Variants in WNK3 observed in about 807,000 individuals in gnomAD.
WNK3 encodes WNK lysine deficient protein kinase 3.
In WNK3, 18 loss-of-function variants were observed where a neutral mutation model predicts 116.7. The ratio of observed to expected loss-of-function variants is 0.15; its 90% CI spans 0.11 to 0.23. The LOEUF is 0.23. Ranked by LOEUF, WNK3 falls within the 10% of genes least tolerant of loss-of-function variation. The pLI is 1.00. For missense variants in WNK3, 993 were observed against 1,323.8 expected (o/e 0.75, Z 3.88); for synonymous variants, 404 against 469.4 (o/e 0.86, Z 1.80).
chrX:54,282,197 C>G (rs1195291474), intron 10 of WNK3, among the ~76,000 whole-genome samples: 1 of 109,213 alleles, frequency 9.2e-6, no homozygotes, highest in Non-Finnish European at 1.9e-5. Flanking sequence ...CATGCCACCA[C>G]ACCTAGCTAA....
At chrX:54,232,348 G>C (rs782458074) in intron 21 of WNK3, among the ~76,000 whole-genome samples, 122 of 110,522 alleles carry the variant, frequency 1.1e-3, no homozygotes, top group Non-Finnish European at 1.3e-4. Flanking sequence ...CGCCATGTTA[G>C]CTAGGCTGGT....
intron 10 of WNK3, among the ~76,000 whole-genome samples, chrX:54,273,314 C>T (rs1284839406): frequency 7.2e-5 from 8 of 111,833 alleles, no homozygotes; most frequent in Admixed American, 2.9e-4. Flanking sequence ...TAGAATTGGC[C>T]GGGTACGGTG....
chrX:54,332,003 A>G (rs782490753), intron 2 of WNK3, among the ~76,000 whole-genome samples: 2 of 111,713 alleles, frequency 1.8e-5, no homozygotes, highest in South Asian at 7.5e-4. Context: ...GCTTTATTCC[A>G]TCCTAATTTT....
intron 17 of WNK3, among the ~76,000 whole-genome samples, chrX:54,240,748 C>T (rs1272782422): frequency 9.0e-6 from 1 of 111,505 alleles, no homozygotes; most frequent in Non-Finnish European, 1.9e-5. Context: ...AGAATGCTTA[C>T]AAAACTCTAT....
At chrX:54,292,964 A>T in exon 10 of WNK3, 1 of 1,210,968 alleles carries the variant, frequency 8.3e-7, no homozygotes, top group Non-Finnish European at 1.1e-6. Context: ...AAGGACATGT[A>T]CAGGTAAAAC....
intron 22 of WNK3, among the ~76,000 whole-genome samples, chrX:54,216,231 C>T (rs1557145270): frequency 9.2e-6 from 1 of 108,284 alleles, no homozygotes; most frequent in Non-Finnish European, 1.9e-5. Flanking sequence ...CCACTATTGT[C>T]CTATGACCCT....
At chrX:54,315,298 G>GT (rs2068939833) in intron 2 of WNK3, among the ~76,000 whole-genome samples, 1 of 80,624 alleles carries the variant, frequency 1.2e-5, no homozygotes, top group Non-Finnish European at 2.3e-5. Flanking sequence ...GGGAGACCTT[G>GT]TCTCAAAAAA....
chrX:54,274,433 G>A (rs182568893), intron 10 of WNK3, among the ~76,000 whole-genome samples: 64 of 111,301 alleles, frequency 5.8e-4, no homozygotes, highest in Non-Finnish European at 1.0e-3. Flanking sequence ...CTACCTTCAC[G>A]CTTATTATTA....
In WNK3 at chrX:54,239,108, G is replaced by GACAAAACAAAACAAAACAAA. The variant is rs56183922; in HGVS notation, c.3652-29_3652-10dup. 12 of 862,672 alleles carry GACAAAACAAAACAAAACAAA rather than the reference G, an allele frequency of 1.4e-5. No homozygotes were observed. Among genetic ancestry groups the GACAAAACAAAACAAAACAAA allele is most frequent in the Non-Finnish European group, 1.7e-5 (11 of 654,937 alleles). 71.1% of individuals were successfully genotyped at this position (862,672 alleles called of 1,213,427 possible). On this transcript the variant is annotated splice_polypyrimidine_tract_variant and intron_variant, in intron 17 of 23. Coordinates refer to ENST00000354646, the Ensembl canonical transcript of WNK3. The stretch of plus-strand genomic sequence containing the variant: ...GCATCTGAGGACATCTCCTAATGGA[G>GACAAAACAAAACAAAACAAA]ACAAAACAAAACAAAACAAAACAAA...
At chrX:54,277,743 C>T (rs2068466940) in intron 10 of WNK3, among the ~76,000 whole-genome samples, 1 of 111,777 alleles carries the variant, frequency 8.9e-6, no homozygotes, top group African/African-American at 3.2e-5. Flanking sequence ...TCAACATCAA[C>T]ACACACGATC....
chrX:54,333,495 C>T (rs1557174755), exon 2 of WNK3: 10 of 1,209,704 alleles, frequency 8.3e-6, no homozygotes, highest in East Asian at 5.9e-5. Flanking sequence ...AACACTCTTT[C>T]GGAAAAATCT....
chrX:54,352,863 G>A (rs2069536531), intron 1 of WNK3, among the ~76,000 whole-genome samples: 1 of 111,565 alleles, frequency 9.0e-6, no homozygotes, highest in Non-Finnish European at 1.9e-5. Flanking sequence ...ACAAAATACG[G>A]TATATCCATA....
chrX:54,299,362 C>G (rs1246429285), intron 6 of WNK3, among the ~76,000 whole-genome samples: 6 of 109,676 alleles, frequency 5.5e-5, no homozygotes, highest in Non-Finnish European at 1.1e-4. Flanking sequence ...AATAAGCCAT[C>G]ATTCCATACA....
chrX:54,292,588 C>T (rs1357959956), intron 10 of WNK3, among the ~76,000 whole-genome samples: 12 of 108,889 alleles, frequency 1.1e-4, no homozygotes, highest in Non-Finnish European at 2.1e-4. Flanking sequence ...TGCCTGTAAT[C>T]CCAGCTACTT....
At chrX:54,281,006 T>A (rs1299513488) in intron 10 of WNK3, among the ~76,000 whole-genome samples, 1 of 111,913 alleles carries the variant, frequency 8.9e-6, no homozygotes, top group African/African-American at 3.2e-5. Flanking sequence ...AAACCAGCTA[T>A]TTTTTCCCAG....
At chrX:54,354,550 G>T (rs782473769) in intron 1 of WNK3, among the ~76,000 whole-genome samples, 1 of 110,813 alleles carries the variant, frequency 9.0e-6, no homozygotes, top group East Asian at 2.8e-4. Context: ...AAGGAGGGGA[G>T]AGTACTAGGG....
chrX:54,211,417 T>G (rs1188262194), intron 22 of WNK3, among the ~76,000 whole-genome samples: 1 of 96,920 alleles, frequency 1.0e-5, no homozygotes, highest in African/African-American at 3.9e-5. Flanking sequence ...GCTCCAGCCT[T>G]GGGAACAGAG....
rs113718932 is a variant in WNK3, at chrX:54,282,000, G to GTTT, written c.2037+10885_2037+10887dup. 2.0e-4 allele frequency among the ~76,000 whole-genome samples: 19 copies of GTTT among 97,040 alleles called. No homozygotes were observed. The South Asian group carries it at 7.6e-3, about 39-fold the overall frequency. The allele number at this position is 97,040 out of a possible 115,157, so 84.3% of individuals were successfully genotyped here. On this transcript the variant is annotated intron_variant, in intron 10 of 23. Transcript: ENST00000354646. ...AGTGGAATGGCTGGATTGTATCATA[G>GTTT]TTTTTTTTTTTTTTAATTTTTTGAG...
intron 17 of WNK3, among the ~76,000 whole-genome samples, chrX:54,245,583 C>G (rs2068068083): frequency 9.0e-6 from 1 of 111,260 alleles, no homozygotes; most frequent in Admixed American, 9.6e-5. Context: ...TATATTTTTC[C>G]TGATGATTTT....
Sources: gnomAD v4.1 joint callset for allele counts (sites outside exome capture counted in the v4.1 genomes callset) on GRCh38, gnomAD v4.1.1 for gene constraint, MANE v1.5 for transcripts, NCBI Gene and HGNC (gene_info 2026-07-23, HGNC 2026-07-21) for gene names.